The following TBC1D32 variants were observed in gnomAD, a reference collection of about 807,000 sequenced individuals.
TBC1D32 encodes the protein protein broad-minded.
In TBC1D32, 151 loss-of-function variants were observed where a neutral mutation model predicts 170.3. The observed-to-expected ratio is 0.89, with a 90% CI of 0.78 to 1.01. The LOEUF (loss-of-function observed/expected upper bound fraction) is 1.01, where lower values mean the gene tolerates loss of function less well. Ranked by LOEUF, TBC1D32 falls within the 50% of genes least tolerant of loss-of-function variation. TBC1D32 has a pLI of 0.00. For synonymous variants in TBC1D32, 498 were observed against 488.0 expected (o/e 1.02, Z -0.27); for missense variants, 1,464 against 1,457.1 (o/e 1.00, Z -0.08).
At chr6:121,205,672 C>T (rs1428261416) in intron 21 of TBC1D32, among the ~76,000 whole-genome samples, 1 of 152,202 alleles carries the variant, frequency 6.6e-6, no homozygotes, top group East Asian at 1.9e-4. Context: ...GAACATTAGA[C>T]TCACGTAGGG....
chr6:121,231,091 T>C (rs1795676504), intron 20 of TBC1D32, among the ~76,000 whole-genome samples: 1 of 152,124 alleles, frequency 6.6e-6, no homozygotes. Flanking sequence ...TCCAATTCCA[T>C]CCAGGTTCCT....
intron 5 of TBC1D32, among the ~76,000 whole-genome samples, 154 bp downstream of exon 5, chr6:121,307,822 A>G (rs1807561656): frequency 3.3e-5 from 5 of 152,202 alleles, no homozygotes. Context: ...AGGTAGTACC[A>G]GTGCACTCCA....
At chr6:121,313,280 T>C (rs1352084866) in intron 3 of TBC1D32, among the ~76,000 whole-genome samples, 1 of 149,336 alleles carries the variant, frequency 6.7e-6, no homozygotes, top group Non-Finnish European at 1.5e-5. Context: ...CTTAATTTTT[T>C]TTTTTTTTTT....
intron 1 of TBC1D32, among the ~76,000 whole-genome samples, chr6:121,327,338 G>C (rs778925604): frequency 2.0e-5 from 3 of 152,146 alleles, no homozygotes; most frequent in Non-Finnish European, 4.4e-5. Context: ...TAAGTACTGT[G>C]TTTCCTACAT....
intron 29 of TBC1D32, 135 bp downstream of exon 29, chr6:121,112,370 T>A: frequency 1.3e-6 from 1 of 748,398 alleles, no homozygotes; most frequent in Non-Finnish European, 2.0e-6. Context: ...AGAGAATTAG[T>A]CAAAAAACAT....
chr6:121,130,372 C>T (rs1319501937), intron 25 of TBC1D32, among the ~76,000 whole-genome samples: 2 of 152,074 alleles, frequency 1.3e-5, no homozygotes, highest in Non-Finnish European at 2.9e-5. Context: ...ATCCCAGCTA[C>T]TCAGGAGGCT....
At chr6:121,085,247 GTATA>G (rs1162745710) in intron 31 of TBC1D32, among the ~76,000 whole-genome samples, 3 of 107,544 alleles carry the variant, frequency 2.8e-5, no homozygotes, top group South Asian at 2.6e-4. Context: ...ATATACATAC[GTATA>G]TATATACACA....
At position 121,109,709 on chromosome 6, in the gene TBC1D32, C is replaced by T. The variant is rs1019231945; in HGVS notation, c.3324+2796G>A. Among the ~76,000 whole-genome samples, 24 of 152,040 alleles carry T rather than the reference C, an allele frequency of 1.6e-4. No homozygotes were observed. The East Asian group carries it at 1.7e-3, about 11-fold the overall frequency. ...AAATCAATACATTAAAGGGTTCTTC[C>T]GGTGTAAATGATTTCAAAGGATAAT... On this transcript the variant is annotated intron_variant, in intron 29 of 31. Transcript: ENST00000398212.
intron 9 of TBC1D32, among the ~76,000 whole-genome samples, chr6:121,301,898 G>A (rs1305819339): frequency 6.6e-6 from 1 of 151,772 alleles, no homozygotes; most frequent in African/African-American, 2.4e-5. Context: ...CCAAAGTGCT[G>A]GGATTACAGG....
At chr6:121,240,676 G>A (rs1194651862) in intron 19 of TBC1D32, among the ~76,000 whole-genome samples, 1 of 151,534 alleles carries the variant, frequency 6.6e-6, no homozygotes, top group African/African-American at 2.4e-5. Context: ...ATCACCTGAG[G>A]TCAGAGTTCA....
chr6:121,189,911 G>C (rs1023859877), intron 22 of TBC1D32, among the ~76,000 whole-genome samples: 16 of 151,904 alleles, frequency 1.1e-4, no homozygotes, highest in Admixed American at 9.2e-4. Flanking sequence ...GTCCAATTAT[G>C]GAATTATGGA....
chr6:121,268,093 AC>A (rs1388065566), intron 15 of TBC1D32, among the ~76,000 whole-genome samples: 1 of 151,940 alleles, frequency 6.6e-6, no homozygotes, highest in Non-Finnish European at 1.5e-5. Context: ...CCACACCAAA[AC>A]CCCATCTGTA....
intron 9 of TBC1D32, among the ~76,000 whole-genome samples, chr6:121,301,387 G>A (rs1158196210): frequency 6.6e-6 from 1 of 152,114 alleles, no homozygotes; most frequent in Non-Finnish European, 1.5e-5. Flanking sequence ...GTCCTTTGCA[G>A]GGACACGGAT....
In TBC1D32 at chr6:121,250,398, C is replaced by T. The variant is rs368966140; in HGVS notation, c.2018+4930G>A. On this transcript the variant is annotated intron_variant, in intron 17 of 31. Coordinates refer to ENST00000398212, the MANE Select transcript of TBC1D32 (RefSeq NM_152730.6). ...AAAAGCTTATCCACCATGATCAAGT[C>T]GGCTTCATTCCTGGGAAGCAAGGAT... Among the ~76,000 whole-genome samples, 87 of 152,062 alleles carry T rather than the reference C, an allele frequency of 5.7e-4. 1 individual carries two copies. The highest frequency in any genetic ancestry group is 3.4e-3 in the Middle Eastern group (1 of 294).
chr6:121,271,191 G>C (rs1801358629), intron 15 of TBC1D32, among the ~76,000 whole-genome samples: 2 of 152,126 alleles, frequency 1.3e-5, no homozygotes, highest in African/African-American at 4.8e-5. Context: ...CATTCCCTTT[G>C]AAAACTGGCA....
intron 15 of TBC1D32, among the ~76,000 whole-genome samples, chr6:121,277,448 A>C (rs181675916): frequency 3.1e-5 from 4 of 127,446 alleles, no homozygotes; most frequent in African/African-American, 1.2e-4. Context: ...AGATTGTGCT[A>C]TTGTACTCCA....
At chr6:121,086,998 A>T (rs887946978) in intron 31 of TBC1D32, among the ~76,000 whole-genome samples, 7 of 152,306 alleles carry the variant, frequency 4.6e-5, no homozygotes, top group Admixed American at 3.3e-4. Context: ...ACAGATAAAA[A>T]TGTTTAGAAT....
At chr6:121,161,999 T>C (rs1268950841) in intron 22 of TBC1D32, among the ~76,000 whole-genome samples, 1 of 152,218 alleles carries the variant, frequency 6.6e-6, no homozygotes, top group African/African-American at 2.4e-5. Context: ...AAGCATCTGT[T>C]CATGTCCTTT....
At chr6:121,155,110 A>C (rs1784715788) in intron 24 of TBC1D32, among the ~76,000 whole-genome samples, 1 of 152,176 alleles carries the variant, frequency 6.6e-6, no homozygotes. Context: ...CATTTTAACA[A>C]TATTGATTCC....
Sources: allele counts gnomAD v4.1 joint callset (sites outside exome capture counted in the v4.1 genomes callset), GRCh38; gene constraint gnomAD v4.1.1; transcripts MANE v1.5; gene names NCBI Gene and HGNC (gene_info 2026-07-23, HGNC 2026-07-21).